The following KDM4A variants were observed in gnomAD, a reference collection of about 807,000 sequenced individuals.
KDM4A encodes the protein lysine-specific demethylase 4A.
In KDM4A, 23 loss-of-function variants were observed where a neutral mutation model predicts 127.1. The ratio of observed to expected loss-of-function variants is 0.18; its 90% CI spans 0.13 to 0.26. KDM4A has a LOEUF of 0.26. Among genes scored for constraint, KDM4A ranks in the 10% least tolerant of loss-of-function variants. The probability of loss-of-function intolerance (pLI) is 1.00; values close to 1 mark genes in which losing one functional copy is unlikely to be tolerated. For synonymous variants in KDM4A, 443 were observed against 466.5 expected, an observed-to-expected ratio of 0.95 and a Z score of 0.65; for missense variants, 890 against 1,329.1, an observed-to-expected ratio of 0.67 and a Z score of 5.14.
rs751088355 is a variant in KDM4A at position 43,668,004 on chromosome 1, G to A, written c.1148G>A (p.Gly383Glu). 4 of 1,614,044 alleles carry A rather than the reference G, an allele frequency of 2.5e-6. No individual in the cohort carries two copies. Among genetic ancestry groups the A allele is most frequent in the Admixed American group, 1.7e-5 (1 of 60,018 alleles). Reference protein sequence around the residue: ...DMEGVEDGEEGDLKTSLAKHR... With the variant: ...DMEGVEDGEEEDLKTSLAKHR... ...GAAGGGGTGGAGGATGGAGAGGAAG[G>A]AGACCTGAAGACAAGGTAACCCAGC... is the stretch of plus-strand genomic sequence containing the variant. Residue 383 changes from glycine to glutamate, a missense_variant, in exon 9 of 22, where the codon GGA becomes GAA. Physicochemically the swap from Gly to Glu is moderately conservative, Grantham distance 98. Coordinates refer to ENST00000372396, the MANE Select transcript of KDM4A (RefSeq NM_014663.3).
chr1:43,698,220 A>C (rs939346667), intron 19 of KDM4A, among the ~76,000 whole-genome samples: 1 of 152,208 alleles, frequency 6.6e-6, no homozygotes, highest in Non-Finnish European at 1.5e-5. Flanking sequence ...CCCTAGAAGT[A>C]CCTGGGAATC....
At position 43,693,871 on chromosome 1, in the gene KDM4A, C is replaced by T; in HGVS notation, c.2376-123C>T. 1.4e-6 allele frequency: 1 copy of T among 710,154 alleles called. No individual in the cohort carries two copies. The highest frequency in any genetic ancestry group is 2.6e-5 in the East Asian group (1 of 38,518). 44.0% of individuals were successfully genotyped at this position (710,154 alleles called of 1,614,324 possible). On this transcript the variant is annotated intron_variant, in intron 16 of 21. Transcript: ENST00000372396. This position sits in a 1 kb window ranked among gnomAD's most constrained non-coding sequence, Gnocchi z 4.2. ...GGTTCTCACCTTCCTGGGTCCCAGG[C>T]ATGTGCTGGTGGAAGTCAGTGGTCA...
intron 11 of KDM4A, among the ~76,000 whole-genome samples, chr1:43,676,606 A>G (rs566201077): frequency 6.6e-5 from 10 of 152,300 alleles, no homozygotes; most frequent in African/African-American, 2.4e-4. Context: ...GGTGTGAGCC[A>G]CCATTCTCGG....
intron 11 of KDM4A, among the ~76,000 whole-genome samples, chr1:43,672,636 A>C (rs1215883385): frequency 6.6e-6 from 1 of 151,870 alleles, no homozygotes; most frequent in Non-Finnish European, 1.5e-5. Context: ...CTGGGACTAC[A>C]GGCGCCCACC....
At chr1:43,695,768 A>G in intron 18 of KDM4A, among the ~76,000 whole-genome samples, 1 of 152,192 alleles carries the variant, frequency 6.6e-6, no homozygotes, top group East Asian at 1.9e-4. Flanking sequence ...GCTTTGGGGT[A>G]CATTTAACTT....
intron 3 of KDM4A, 37 bp downstream of exon 3, chr1:43,655,803 A>C (rs761714723): frequency 6.4e-7 from 1 of 1,552,142 alleles, no homozygotes; most frequent in Non-Finnish European, 8.8e-7. Flanking sequence ...CATAGCACCT[A>C]GGACCCTGGT....
intron 11 of KDM4A, among the ~76,000 whole-genome samples, chr1:43,677,090 A>G (rs987588032): frequency 1.3e-5 from 2 of 152,188 alleles, no homozygotes; most frequent in Non-Finnish European, 2.9e-5. Flanking sequence ...TCACACCTGT[A>G]ATCCCAGCAC....
chr1:43,673,694 C>T (rs1429630105), intron 11 of KDM4A, among the ~76,000 whole-genome samples: 5 of 152,274 alleles, frequency 3.3e-5, no homozygotes, highest in Admixed American at 3.3e-4. Context: ...TCTGTGCCTT[C>T]TTATGGCAGC....
At chr1:43,652,679 C>CTTT (rs771216218) in intron 1 of KDM4A, among the ~76,000 whole-genome samples, 12 of 118,732 alleles carry the variant, frequency 1.0e-4, no homozygotes, top group Non-Finnish European at 1.2e-4. Flanking sequence ...TTCTTTCTTT[C>CTTT]TTTTTTTTTT....
chr1:43,654,797 G>T (rs1660202580), intron 2 of KDM4A, among the ~76,000 whole-genome samples: 1 of 149,406 alleles, frequency 6.7e-6, no homozygotes, highest in African/African-American at 2.5e-5. Context: ...AAAAAAAAAA[G>T]CTGTATAGTA....
chr1:43,652,914 C>T (rs2154046175), intron 1 of KDM4A, among the ~76,000 whole-genome samples: 1 of 150,994 alleles, frequency 6.6e-6, no homozygotes, highest in African/African-American at 2.4e-5. Context: ...AAACTTATGA[C>T]CTCAGGCGAT....
chr1:43,673,130 T>A (rs1202694379), intron 11 of KDM4A, among the ~76,000 whole-genome samples: 5 of 152,004 alleles, frequency 3.3e-5, no homozygotes, highest in Non-Finnish European at 7.4e-5. Context: ...GGTCTGCCAC[T>A]CTGAGTGATC....
At chr1:43,692,865 T>C (rs1227997483) in intron 16 of KDM4A, among the ~76,000 whole-genome samples, 2 of 152,192 alleles carry the variant, frequency 1.3e-5, no homozygotes, top group Non-Finnish European at 2.9e-5. Context: ...TCTTTGTGCT[T>C]AGGCTTGTGT....
chr1:43,704,747 C>T lies in KDM4A; in HGVS notation c.*377C>T, dbSNP rs1289599587. 1 of 248,082 alleles carries T rather than the reference C, an allele frequency of 4.0e-6. No individual in the cohort carries two copies. Among genetic ancestry groups the T allele is most frequent in the Non-Finnish European group, 7.8e-6 (1 of 127,984 alleles). 15.4% of individuals were successfully genotyped at this position (248,082 alleles called of 1,614,324 possible). ...TAGGCTGAGGTGCTGGTACTTGCCC[C>T]AACCCCTACTTTTGTATTTATATGT... On this transcript the variant is annotated 3_prime_UTR_variant, in exon 22 of 22. Transcript: ENST00000372396.
Position 43,694,624 on chromosome 1 carries a change from T to C in KDM4A, c.2485-85T>C, listed in dbSNP as rs1661199855. 3.2e-6 allele frequency: 4 copies of C among 1,236,274 alleles called. No homozygotes were observed. The highest frequency in any genetic ancestry group is 4.6e-6 in the Non-Finnish European group (4 of 869,062). 76.6% of individuals were successfully genotyped at this position (1,236,274 alleles called of 1,614,324 possible). On this transcript the variant is annotated intron_variant, in intron 17 of 21. Coordinates refer to ENST00000372396, the MANE Select transcript of KDM4A (RefSeq NM_014663.3). This position sits in a 1 kb window ranked among gnomAD's most constrained non-coding sequence, Gnocchi z 5.2. ...TGGGAAGGGGCTGGCTCTTGCTTGC[T>C]TGGCTTTGCATTTGGGAGGGGAACA...
intron 13 of KDM4A, among the ~76,000 whole-genome samples, chr1:43,690,296 G>A (rs1324683414): frequency 2.6e-5 from 4 of 152,170 alleles, no homozygotes; most frequent in African/African-American, 9.7e-5. Context: ...GGAGCCCACA[G>A]TAGCAGCCTA....
At chr1:43,657,409 G>A (rs571401809) in intron 3 of KDM4A, among the ~76,000 whole-genome samples, 1 of 152,108 alleles carries the variant, frequency 6.6e-6, no homozygotes, top group African/African-American at 2.4e-5. Context: ...CACCATGTTG[G>A]CCAGGATGGT....
At chr1:43,701,945 T>A (rs1279970036) in intron 19 of KDM4A, among the ~76,000 whole-genome samples, 3 of 152,188 alleles carry the variant, frequency 2.0e-5, no homozygotes, top group African/African-American at 7.2e-5. Context: ...ACATTAATAA[T>A]TTTTTACTGC....
rs970493377 is a variant in KDM4A at position 43,693,714 on chromosome 1, T to G, written c.2376-280T>G. On this transcript the variant is annotated intron_variant, in intron 16 of 21. Transcript: ENST00000372396. This position sits in a 1 kb window ranked among gnomAD's most constrained non-coding sequence, Gnocchi z 4.2. ...TGAGACCTGCCACACACCATTAGCCTGCAGCTCTGTTCATTTTTCAACAGA... is the reference window on the plus strand; with the variant it reads ...TGAGACCTGCCACACACCATTAGCCGGCAGCTCTGTTCATTTTTCAACAGA... Among the ~76,000 whole-genome samples the G allele has an allele frequency of 6.6e-6, 1 of 152,228 alleles. No homozygotes were observed. Among genetic ancestry groups the G allele is most frequent in the African/African-American group, 2.4e-5 (1 of 41,454 alleles).
Sources: allele counts gnomAD v4.1 joint callset (sites outside exome capture counted in the v4.1 genomes callset), GRCh38; gene constraint gnomAD v4.1.1; non-coding constraint Gnocchi (gnomAD v3.1); transcripts MANE v1.5; gene names NCBI Gene and HGNC (gene_info 2026-07-23, HGNC 2026-07-21).